The following FAAP100 variants were observed in gnomAD, a reference collection of about 807,000 sequenced individuals.
FAAP100 encodes the protein FA core complex associated protein 100, also known as Fanconi anemia core complex-associated protein 100.
FAAP100 carries 46 observed loss-of-function variants against 65.8 expected under a neutral mutation model. The ratio of observed to expected loss-of-function variants is 0.70; its 90% confidence interval spans 0.55 to 0.89. The LOEUF (loss-of-function observed/expected upper bound fraction) is 0.89. Ranked by LOEUF, FAAP100 falls within the 40% of genes least tolerant of loss-of-function variation. FAAP100 has a pLI of 0.00. For synonymous variants in FAAP100, 663 were observed against 555.1 expected, an observed-to-expected ratio of 1.19 and a Z score of -2.73; for missense variants, 1,165 against 1,196.7, an observed-to-expected ratio of 0.97 and a Z score of 0.39.
At chr17:81,542,873 A>C (rs1227516512) in intron 7 of FAAP100, among the ~76,000 whole-genome samples, 1 of 152,176 alleles carries the variant, frequency 6.6e-6, no homozygotes, top group Non-Finnish European at 1.5e-5. Context: ...TTTCTTGGGG[A>C]CCAGATGGTC....
chr17:81,548,541 C>T, intron 4 of FAAP100: 1 of 155,180 alleles, frequency 6.4e-6, no homozygotes, highest in Non-Finnish European at 1.4e-5. Context: ...GAGTTCGAGA[C>T]CAGCCTAGGC....
intron 2 of FAAP100, 105 bp downstream of exon 2, chr17:81,551,823 G>A: frequency 1.4e-6 from 2 of 1,391,776 alleles, no homozygotes; most frequent in Non-Finnish European, 1.9e-6. Flanking sequence ...CTTCAGAGCT[G>A]GCGGCAGCCC....
upstream of FAAP100, among the ~76,000 whole-genome samples, chr17:81,552,795 G>T (rs1404160911): frequency 2.6e-5 from 4 of 152,322 alleles, no homozygotes; most frequent in East Asian, 5.8e-4. Flanking sequence ...CGGGGTCGGG[G>T]TGGGGCAGCG....
intron 8 of FAAP100, 115 bp downstream of exon 8, chr17:81,541,194 C>T (rs957626235): frequency 5.1e-5 from 64 of 1,253,504 alleles, no homozygotes; most frequent in African/African-American, 3.8e-4. Context: ...CCCATGGGAG[C>T]GAAGCCCATG....
At position 81,550,902 on chromosome 17, in the gene FAAP100, A is replaced by G. The variant is rs974577010; in HGVS notation, c.592T>C (p.Cys198Arg). The G allele has an allele frequency of 1.2e-6, 2 of 1,612,570 alleles. No homozygotes were observed. Among genetic ancestry groups the G allele is most frequent in the South Asian group, 2.2e-5 (2 of 91,014 alleles). Residue 198 changes from cysteine (C) to arginine (R), a missense_variant, in exon 3 of 9, where the codon TGC becomes CGC. Cys to Arg is a radical substitution (Grantham distance 180). Coordinates refer to ENST00000327787, the MANE Select transcript of FAAP100 (RefSeq NM_025161.6). ...CTGGAGCCTGATGGTGACACAGAGC[A>G]CAGCACTGGAAGGAAGTGGGGGGCT... Reference protein sequence around the residue: ...PAAPHFLPVLCSVSPSGSRVP... With the variant: ...PAAPHFLPVLRSVSPSGSRVP...
chr17:81,541,030 T>A (rs1237251200), intron 8 of FAAP100, 80 bp from the exon 9 acceptor site: 31 of 1,452,574 alleles, frequency 2.1e-5, no homozygotes, highest in Non-Finnish European at 2.8e-5. Flanking sequence ...GACCCACCAC[T>A]CGCAGGACCC....
intron 7 of FAAP100, among the ~76,000 whole-genome samples, chr17:81,542,027 C>G (rs1221707379): frequency 2.0e-5 from 3 of 150,414 alleles, no homozygotes; most frequent in African/African-American, 7.3e-5. Flanking sequence ...ATTAGCCGGG[C>G]GTAGTGGCGG....
At chr17:81,551,881 G>C (rs767293246) in intron 2 of FAAP100, 47 bp downstream of exon 2, 11 of 1,502,364 alleles carry the variant, frequency 7.3e-6, no homozygotes, top group Non-Finnish European at 9.7e-6. Flanking sequence ...GAAGCAGTCC[G>C]GGGGCAGCAG....
chr17:81,543,955 AG>A, intron 7 of FAAP100, 48 bp downstream of exon 7: 1 of 1,531,082 alleles, frequency 6.5e-7, no homozygotes, highest in South Asian at 1.2e-5. Context: ...CAGGGACCTT[AG>A]TGAGCGACCC....
At chr17:81,545,217 C>T (rs1449386107) in intron 6 of FAAP100, among the ~76,000 whole-genome samples, 1 of 152,236 alleles carries the variant, frequency 6.6e-6, no homozygotes, top group African/African-American at 2.4e-5. Flanking sequence ...GCAGCCTTGC[C>T]CATCCTCAGG....
chr17:81,549,631 T>A (rs2033423065), intron 3 of FAAP100, among the ~76,000 whole-genome samples: 1 of 152,248 alleles, frequency 6.6e-6, no homozygotes, highest in Non-Finnish European at 1.5e-5. Flanking sequence ...CCTTCTCTCC[T>A]GCTGTGTATG....
At chr17:81,552,445 G>A, upstream of FAAP100, 1 of 1,030,342 alleles carries the variant, frequency 9.7e-7, no homozygotes, top group Non-Finnish European at 1.2e-6. Context: ...AGCGGTCGGC[G>A]GTGCCGGGGG....
In FAAP100 at chr17:81,547,089, C is replaced by T. The variant is rs756218159; in HGVS notation, c.1993G>A (p.Ala665Thr). ...FPGLAPPHTR[A>T]PSPLGPTRDP... ...CGGGTGGGGCCGAGTGGGGAGGGGGCCCGTGTGTGTGGCGGGGCCAGGCCA... is the reference window on the plus strand; with the variant it reads ...CGGGTGGGGCCGAGTGGGGAGGGGGTCCGTGTGTGTGGCGGGGCCAGGCCA... The change falls in exon 5 of 9, where the codon GCC becomes ACC. Residue 665 changes from alanine to threonine, a missense_variant. Ala to Thr is a moderately conservative substitution (Grantham distance 58, BLOSUM62 0). Coordinates refer to ENST00000327787, the MANE Select transcript of FAAP100 (RefSeq NM_025161.6). The T allele has an allele frequency of 3.1e-5, 47 of 1,533,138 alleles. No homozygotes were observed. The highest frequency in any genetic ancestry group is 4.1e-5 in the Non-Finnish European group (47 of 1,140,274). 95.0% of individuals were successfully genotyped at this position (1,533,138 alleles called of 1,614,324 possible). A position where few individuals can be genotyped will look rare whatever the true frequency, so the allele number is the denominator to read the frequency against.
rs929348089 is a variant in FAAP100 at position 81,548,111 on chromosome 17, G to A, written c.1404-433C>T. 16 of 615,840 alleles carry A rather than the reference G, an allele frequency of 2.6e-5. 1 individual carries two copies. Among genetic ancestry groups the A allele is most frequent in the South Asian group, 1.5e-4 (8 of 54,036 alleles). The allele number at this position is 615,840 out of a possible 1,614,324, so 38.1% of individuals were successfully genotyped here. On this transcript the variant is annotated intron_variant, in intron 4 of 8. Coordinates refer to ENST00000327787, the MANE Select transcript of FAAP100 (RefSeq NM_025161.6). Reference sequence around the variant, plus strand: ...CTTCACAGTGAAAACCAGGGGGGTCGCAGGCGCTACAGAAACAGCCCTAAA... The same window carrying A: ...CTTCACAGTGAAAACCAGGGGGGTCACAGGCGCTACAGAAACAGCCCTAAA...
At chr17:81,544,181 A>G in intron 6 of FAAP100, 61 bp from the exon 7 acceptor site, 6 of 1,373,438 alleles carry the variant, frequency 4.4e-6, no homozygotes, top group Non-Finnish European at 6.2e-6. Context: ...CGGGGGGCTC[A>G]GGCTACACAG....
At chr17:81,542,784 C>T (rs991436936) in intron 7 of FAAP100, among the ~76,000 whole-genome samples, 2 of 152,238 alleles carry the variant, frequency 1.3e-5, no homozygotes, top group South Asian at 2.1e-4. Context: ...TGACCCCACA[C>T]GACTGTGTCC....
chr17:81,551,476 C>G (rs1208838218), intron 2 of FAAP100, among the ~76,000 whole-genome samples: 8 of 152,280 alleles, frequency 5.3e-5, no homozygotes, highest in Admixed American at 4.6e-4. Context: ...AGGCTGCCCC[C>G]TCTACAGCCT....
In FAAP100 at chr17:81,550,482, G is replaced by T; in HGVS notation, c.1012C>A (p.Leu338Met). ...GGGCCTGGGAGGCAGTACTCCCGCA[G>T]CTCGGGCACCAGCTTCCCGGACTCA... ...WDESGKLVPE[L>M]REYCLPGPVL... Residue 338 changes from leucine (L) to methionine (M), a missense_variant, in exon 3 of 9, where the codon CTG becomes ATG. Coordinates refer to ENST00000327787, the MANE Select transcript of FAAP100 (RefSeq NM_025161.6). 6.2e-7 allele frequency: 1 copy of T among 1,612,594 alleles called. No homozygotes were observed. The highest frequency in any genetic ancestry group is 1.1e-5 in the South Asian group (1 of 91,080).
At chr17:81,542,427 T>A (rs190407868) in intron 7 of FAAP100, among the ~76,000 whole-genome samples, 171 of 152,094 alleles carry the variant, frequency 1.1e-3, no homozygotes, top group Admixed American at 3.7e-3. Flanking sequence ...GCCTGGGCAG[T>A]GAGGCTCCTG....
Sources: gnomAD v4.1 joint callset for allele counts (sites outside exome capture counted in the v4.1 genomes callset) on GRCh38, gnomAD v4.1.1 for gene constraint, MANE v1.5 for transcripts, NCBI Gene and HGNC (gene_info 2026-07-23, HGNC 2026-07-21) for gene names.